The following SDHC variants were observed in gnomAD, a reference collection of about 807,000 sequenced individuals.
The protein encoded by SDHC is succinate dehydrogenase complex subunit C, also known as succinate dehydrogenase cytochrome b560 subunit, mitochondrial.
In SDHC, 11 loss-of-function variants were observed where a neutral mutation model predicts 22.6. The observed-to-expected ratio is 0.49, with a 90% CI of 0.31 to 0.81. The LOEUF is 0.81. Among genes scored for constraint, SDHC ranks in the 30% least tolerant of loss-of-function variants. SDHC has a pLI of 0.05. For missense variants in SDHC, 160 were observed against 212.0 expected, an observed-to-expected ratio of 0.75 and a Z score of 1.52; for synonymous variants, 80 against 77.8, an observed-to-expected ratio of 1.03 and a Z score of -0.15.
intron 1 of SDHC, among the ~76,000 whole-genome samples, chr1:161,316,832 T>C (rs1670634912): frequency 6.6e-6 from 1 of 152,158 alleles, no homozygotes; most frequent in Admixed American, 6.5e-5. Context: ...GAAAATACCT[T>C]CTGAGAAATC....
In SDHC at chr1:161,328,454, A is replaced by G. The variant is rs1558167321; in HGVS notation, c.136A>G (p.Ile46Val). ...EEMERFWNKNIGSNRPLSPHI... is the reference protein window; with the variant it reads ...EEMERFWNKNVGSNRPLSPHI... ...GATGGAGCGGTTCTGGAATAAGAATATAGGTTCAAACCGTCCTCTGTCTCC... is the reference window on the plus strand; with the variant it reads ...GATGGAGCGGTTCTGGAATAAGAATGTAGGTTCAAACCGTCCTCTGTCTCC... Residue 46 changes from isoleucine to valine, a missense_variant, in exon 3 of 6, where the codon ATA becomes GTA. Transcript: ENST00000367975. The G allele has an allele frequency of 1.2e-6, 2 of 1,613,858 alleles. No homozygotes were observed. The highest frequency in any genetic ancestry group is 8.5e-7 in the Non-Finnish European group (1 of 1,179,722).
rs185920278 is a variant in SDHC at position 161,346,417 on chromosome 1, G to A, written c.241+5762G>A. On this transcript the variant is annotated intron_variant, in intron 4 of 5. Coordinates refer to ENST00000367975, the MANE Select transcript of SDHC (RefSeq NM_003001.5). Reference sequence around the variant, plus strand: ...CACTGTGATAGCTTTTTTTTTTTTCGAGACAGAGTTTCGCTTTTGTTGCCC... The same window carrying A: ...CACTGTGATAGCTTTTTTTTTTTTCAAGACAGAGTTTCGCTTTTGTTGCCC... 9.5e-5 allele frequency among the ~76,000 whole-genome samples: 14 copies of A among 147,270 alleles called. No homozygotes were observed. In the East Asian group the frequency reaches 1.8e-3, roughly 19 times the overall value.
chr1:161,317,944 CT>C lies in SDHC; in HGVS notation c.20+3520del, dbSNP rs1245681475. On this transcript the variant is annotated intron_variant, in intron 1 of 5. Coordinates refer to ENST00000367975, the MANE Select transcript of SDHC (RefSeq NM_003001.5). Reference sequence around the variant, plus strand: ...ATCCCAGCACTTTGGGAGGCTGAGGCTGTCAGATCACAAGGTCAGGAGATCA... The same window carrying C: ...ATCCCAGCACTTTGGGAGGCTGAGGCGTCAGATCACAAGGTCAGGAGATCA... Among the ~76,000 whole-genome samples the C allele has an allele frequency of 7.2e-5, 11 of 152,032 alleles. No homozygotes were observed. The East Asian group carries it at 2.1e-3, about 30-fold the overall frequency.
chr1:161,315,782 G>C (rs976059187), intron 1 of SDHC, among the ~76,000 whole-genome samples: 1 of 151,934 alleles, frequency 6.6e-6, no homozygotes, highest in African/African-American at 2.4e-5. Flanking sequence ...AAAAGAAAGA[G>C]ACACAGACAA....
intron 4 of SDHC, among the ~76,000 whole-genome samples, chr1:161,351,793 C>T (rs767375316): frequency 1.7e-3 from 265 of 152,218 alleles, no homozygotes; most frequent in Non-Finnish European, 3.2e-3. Context: ...AATAAAAGAA[C>T]AGTTATGTGC....
chr1:161,320,689 A>G (rs1269731279), intron 1 of SDHC, among the ~76,000 whole-genome samples: 3 of 152,134 alleles, frequency 2.0e-5, no homozygotes, highest in South Asian at 2.1e-4. Flanking sequence ...AGTTTAGACA[A>G]TGCTTTCCTG....
At chr1:161,333,667 G>A (rs1671366673) in intron 3 of SDHC, among the ~76,000 whole-genome samples, 2 of 152,200 alleles carry the variant, frequency 1.3e-5, no homozygotes, top group African/African-American at 4.8e-5. Context: ...GTCCCAAAGT[G>A]CTGGGATTAC....
chr1:161,328,193 G>A (rs1671134768), intron 2 of SDHC, among the ~76,000 whole-genome samples: 1 of 151,998 alleles, frequency 6.6e-6, no homozygotes, highest in Non-Finnish European at 1.5e-5. Context: ...GTAGAGACGA[G>A]GTTTCTCCAT....
chr1:161,357,338 A>C (rs920309738), intron 5 of SDHC, among the ~76,000 whole-genome samples: 1 of 152,176 alleles, frequency 6.6e-6, no homozygotes, highest in Non-Finnish European at 1.5e-5. Flanking sequence ...GTAGCTGAGC[A>C]ATGGTATAGG....
At chr1:161,329,773 G>A (rs1671209034) in intron 3 of SDHC, among the ~76,000 whole-genome samples, 1 of 152,200 alleles carries the variant, frequency 6.6e-6, no homozygotes, top group South Asian at 2.1e-4. Context: ...GTTTGCAGGG[G>A]CTGCATTCTT....
At chr1:161,339,662 G>GTGTTTTTTTTTTTTT (rs1671638291) in intron 3 of SDHC, 2 of 49,566 alleles carry the variant, frequency 4.0e-5, no homozygotes, top group Non-Finnish European at 6.9e-5. Context: ...TGATACAGGT[G>GTGTTTTTTTTTTTTT]TTTTTTTTTT....
At chr1:161,339,662 G>GTTTTTTTTTTTATTTTTT (rs1671639326) in intron 3 of SDHC, 1 of 49,566 alleles carries the variant, frequency 2.0e-5, no homozygotes, top group Non-Finnish European at 3.5e-5. Flanking sequence ...TGATACAGGT[G>GTTTTTTTTTTTATTTTTT]TTTTTTTTTT....
rs138085670 is a variant in SDHC, at chr1:161,363,118, C to T, written c.*685C>T. On this transcript the variant is annotated 3_prime_UTR_variant, in exon 6 of 6. Coordinates refer to ENST00000367975, the MANE Select transcript of SDHC (RefSeq NM_003001.5). ...TTTTCTTGGATTTCCAGAAAAGCCT[C>T]TTAATTTTATGCTTTCTCATCGAAG... The T allele has an allele frequency of 6.2e-3, 1,454 of 234,940 alleles. 29 individuals carry two copies. Among genetic ancestry groups the T allele is most frequent in the South Asian group, 0.053 (304 of 5,686 alleles). 14.6% of individuals were successfully genotyped at this position (234,940 alleles called of 1,614,324 possible). A position where few individuals can be genotyped will look rare whatever the true frequency, so the allele number is the denominator to read the frequency against.
intron 4 of SDHC, among the ~76,000 whole-genome samples, chr1:161,341,019 A>G (rs538673221): frequency 2.0e-5 from 3 of 151,944 alleles, no homozygotes; most frequent in Non-Finnish European, 2.9e-5. Flanking sequence ...AAATTTTTGT[A>G]TTTTTAGTAG....
At chr1:161,342,652 G>A (rs576369782) in intron 4 of SDHC, among the ~76,000 whole-genome samples, 1 of 151,940 alleles carries the variant, frequency 6.6e-6, no homozygotes, top group Non-Finnish European at 1.5e-5. Context: ...AAGTAGCTGG[G>A]ATTACAGGCG....
chr1:161,333,817 A>G (rs1671373607), intron 3 of SDHC, among the ~76,000 whole-genome samples: 1 of 152,174 alleles, frequency 6.6e-6, no homozygotes, highest in South Asian at 2.1e-4. Context: ...CCAGCACAAC[A>G]TCCATATTTC....
intron 4 of SDHC, among the ~76,000 whole-genome samples, chr1:161,342,268 G>A (rs758084474): frequency 6.6e-5 from 10 of 152,168 alleles, no homozygotes; most frequent in Non-Finnish European, 1.2e-4. Context: ...CTCTCCCAGC[G>A]AAGGTGATCT....
chr1:161,332,590 AGTT>A (rs1671320277), intron 3 of SDHC, among the ~76,000 whole-genome samples: 1 of 151,694 alleles, frequency 6.6e-6, no homozygotes, highest in South Asian at 2.1e-4. Flanking sequence ...TTAAATGCAG[AGTT>A]GTTCAGCCAT....
rs771612881 is a variant in SDHC, at chr1:161,362,591, C to T, written c.*158C>T. On this transcript the variant is annotated 3_prime_UTR_variant, in exon 6 of 6. Coordinates refer to ENST00000367975, the MANE Select transcript of SDHC (RefSeq NM_003001.5). ...TGGAGCAGTAGAGTACCTGGTAGAC[C>T]ATAATAGTGGAAAAGGGTCTAGTTT... is the stretch of plus-strand genomic sequence containing the variant. 2 of 1,608,828 alleles carry T rather than the reference C, an allele frequency of 1.2e-6. No homozygotes were observed. Among genetic ancestry groups the T allele is most frequent in the African/African-American group, 2.7e-5 (2 of 74,798 alleles).
Sources: allele counts gnomAD v4.1 joint callset (sites outside exome capture counted in the v4.1 genomes callset), GRCh38; gene constraint gnomAD v4.1.1; transcripts MANE v1.5; gene names NCBI Gene and HGNC (gene_info 2026-07-23, HGNC 2026-07-21).